The following LAMB3 variants were observed in gnomAD, a reference collection of about 807,000 sequenced individuals.
The protein encoded by LAMB3 is laminin subunit beta-3.
LAMB3 carries 104 observed loss-of-function variants against 140.3 expected under a neutral mutation model. The ratio of observed to expected loss-of-function variants is 0.74; its 90% CI spans 0.63 to 0.87. The LOEUF (loss-of-function observed/expected upper bound fraction) is 0.87. Ranked by LOEUF, LAMB3 falls within the 40% of genes least tolerant of loss-of-function variation. The probability of loss-of-function intolerance (pLI) is 0.00; values close to 1 mark genes in which losing one functional copy is unlikely to be tolerated. For synonymous variants in LAMB3, 592 were observed against 602.9 expected (o/e 0.98, Z 0.26); for missense variants, 1,531 against 1,575.2 (o/e 0.97, Z 0.47).
intron 3 of LAMB3, among the ~76,000 whole-genome samples, chr1:209,648,910 C>A (rs2076540770): frequency 6.6e-6 from 1 of 152,084 alleles, no homozygotes; most frequent in East Asian, 1.9e-4. Context: ...ACTGCCAGGT[C>A]CCCTGATGCT....
At chr1:209,622,175 C>T (rs1258496936) in intron 18 of LAMB3, among the ~76,000 whole-genome samples, 1 of 152,164 alleles carries the variant, frequency 6.6e-6, no homozygotes, top group Admixed American at 6.5e-5. Context: ...AAGGTCACTC[C>T]CAAGAGATGG....
At chr1:209,629,318 C>T (rs370481236) in intron 10 of LAMB3, among the ~76,000 whole-genome samples, 3 of 152,134 alleles carry the variant, frequency 2.0e-5, no homozygotes, top group East Asian at 1.9e-4. Context: ...GAGGAGTTCT[C>T]GATGTTGGGA....
At position 209,626,978 on chromosome 1, in the gene LAMB3, A is replaced by G; in HGVS notation, c.1486T>C (p.Phe496Leu). Residue 496 changes from phenylalanine to leucine, a missense_variant and splice_region_variant, in exon 13 of 23, where the codon TTC becomes CTC. Transcript: ENST00000356082. ...HNSLSPQCNQFTGQCPCREGF... is the reference protein window; with the variant it reads ...HNSLSPQCNQLTGQCPCREGF... Reference sequence around the variant, plus strand: ...TCCCGACAGGGGCACTGCCCTGTGAACTGCGTGGGGAGAGCACCGTCAGTG... The same window carrying G: ...TCCCGACAGGGGCACTGCCCTGTGAGCTGCGTGGGGAGAGCACCGTCAGTG... 6.2e-7 allele frequency: 1 copy of G among 1,605,574 alleles called. No individual in the cohort carries two copies. The highest frequency in any genetic ancestry group is 8.5e-7 in the Non-Finnish European group (1 of 1,173,296).
chr1:209,627,769 T>C (rs564435520), intron 11 of LAMB3, among the ~76,000 whole-genome samples, 190 bp from the exon 12 acceptor site: 15 of 152,354 alleles, frequency 9.8e-5, no homozygotes, highest in Non-Finnish European at 1.6e-4. Flanking sequence ...CTCAGCCGCC[T>C]GCCTGCCCAC....
intron 5 of LAMB3, among the ~76,000 whole-genome samples, chr1:209,635,802 T>C (rs1666876615): frequency 2.0e-5 from 3 of 152,234 alleles, no homozygotes; most frequent in Non-Finnish European, 4.4e-5. Flanking sequence ...AGTCCTCTGC[T>C]AAAAATCCTC....
intron 3 of LAMB3, among the ~76,000 whole-genome samples, chr1:209,648,938 C>A (rs1033732977): frequency 6.6e-6 from 1 of 152,018 alleles, no homozygotes; most frequent in Non-Finnish European, 1.5e-5. Flanking sequence ...TAATCTAGAC[C>A]CACAGGGAGT....
chr1:209,651,139 A>G (rs2076563452), intron 1 of LAMB3, 158 bp from the exon 2 acceptor site: 1 of 654,744 alleles, frequency 1.5e-6, no homozygotes, highest in South Asian at 1.7e-5. Context: ...TGTAGCTTGG[A>G]AAATGCTGGA....
At chr1:209,646,320 C>A (rs956393304) in intron 3 of LAMB3, among the ~76,000 whole-genome samples, 21 of 152,220 alleles carry the variant, frequency 1.4e-4, no homozygotes, top group African/African-American at 4.8e-4. Flanking sequence ...GGGTCACACA[C>A]AGCCCATCTG....
intron 3 of LAMB3, among the ~76,000 whole-genome samples, chr1:209,641,653 G>C (rs1038665687): frequency 6.6e-6 from 1 of 152,224 alleles, no homozygotes; most frequent in East Asian, 1.9e-4. Flanking sequence ...CACAGGGAAG[G>C]CTAAGGCAGA....
chr1:209,624,703 C>A (rs995539974), intron 14 of LAMB3, among the ~76,000 whole-genome samples: 2 of 152,190 alleles, frequency 1.3e-5, no homozygotes, highest in Non-Finnish European at 2.9e-5. Context: ...GTGAAGCCTG[C>A]CATGACACAT....
intron 5 of LAMB3, 149 bp downstream of exon 5, chr1:209,637,759 G>A: frequency 1.4e-6 from 1 of 704,996 alleles, no homozygotes; most frequent in Non-Finnish European, 2.5e-6. Flanking sequence ...TTTAGCCCAG[G>A]AGCGAGTCCT....
chr1:209,616,665 CAAGGTCCTAAAGACCTGTGGCCA>C, intron 21 of LAMB3, 41 bp from the exon 22 acceptor site: 1 of 1,606,444 alleles, frequency 6.2e-7, no homozygotes, highest in South Asian at 1.1e-5. Context: ...TGTCATCATG[CAAGGTCCTAAAGACCTGTGGCCA>C]AAGCACTTGA....
At position 209,629,807 on chromosome 1, in the gene LAMB3, G is replaced by A; in HGVS notation, c.1062C>T (p.Asn354=). 6.2e-7 allele frequency: 1 copy of A among 1,614,250 alleles called. No homozygotes were observed. Among genetic ancestry groups the A allele is most frequent in the South Asian group, 1.1e-5 (1 of 91,092 alleles). The change falls in exon 10 of 23, where the codon AAC becomes AAT. Residue 354 remains asparagine, a synonymous_variant. Coordinates refer to ENST00000356082, the MANE Select transcript of LAMB3 (RefSeq NM_000228.3). ...DNCRDHTEGK[N]CERCQLHYFR... ...AATAGTGCAGCTGACACCGCTCACAGTTCTTGCCTTCGGTGTGGTCCCGGC... is the reference window on the plus strand; with the variant it reads ...AATAGTGCAGCTGACACCGCTCACAATTCTTGCCTTCGGTGTGGTCCCGGC...
intron 21 of LAMB3, 108 bp downstream of exon 21, chr1:209,617,302 T>C: frequency 8.0e-7 from 1 of 1,256,320 alleles, no homozygotes; most frequent in Non-Finnish European, 1.2e-6. Flanking sequence ...GGTTCTGTTA[T>C]TCTAAGCACT....
At chr1:209,634,757 G>T in intron 5 of LAMB3, 119 bp from the exon 6 acceptor site, 1 of 812,502 alleles carries the variant, frequency 1.2e-6, no homozygotes, top group Non-Finnish European at 2.0e-6. Flanking sequence ...GTGGGAGCAA[G>T]TGGGCTCGGA....
At chr1:209,634,149 C>T (rs1418382765) in intron 6 of LAMB3, among the ~76,000 whole-genome samples, 3 of 152,200 alleles carry the variant, frequency 2.0e-5, no homozygotes, top group Admixed American at 6.5e-5. Context: ...TCGATTTCAT[C>T]TTCCCACTAG....
intron 3 of LAMB3, among the ~76,000 whole-genome samples, chr1:209,648,923 T>C (rs940744228): frequency 1.3e-5 from 2 of 152,208 alleles, no homozygotes; most frequent in Non-Finnish European, 2.9e-5. Flanking sequence ...CTGATGCTCA[T>C]GGAGTAATCT....
chr1:209,624,106 C>T (rs1666328162), intron 14 of LAMB3, 106 bp from the exon 15 acceptor site: 1 of 999,560 alleles, frequency 1.0e-6, no homozygotes, highest in East Asian at 2.5e-5. Context: ...AAACAGAGAC[C>T]TTGGGCAAAG....
chr1:209,626,546 A>T (rs1427519651), intron 13 of LAMB3, among the ~76,000 whole-genome samples: 1 of 152,226 alleles, frequency 6.6e-6, no homozygotes, highest in Non-Finnish European at 1.5e-5. Context: ...CCATCTATGA[A>T]GAGGGAAGAA....
Sources: gnomAD v4.1 joint callset for allele counts (sites outside exome capture counted in the v4.1 genomes callset) on GRCh38, gnomAD v4.1.1 for gene constraint, MANE v1.5 for transcripts, NCBI Gene and HGNC (gene_info 2026-07-23, HGNC 2026-07-21) for gene names.